ZNF385D: variants seen among roughly 807,000 people sequenced by gnomAD.
The protein encoded by ZNF385D is zinc finger protein 659.
Under a neutral mutation model 35.8 loss-of-function variants are expected in ZNF385D, and 15 were observed. The observed-to-expected ratio is 0.42, with a 90% CI of 0.28 to 0.64. The LOEUF is 0.64. Among genes scored for constraint, ZNF385D ranks in the 30% least tolerant of loss-of-function variants. The pLI is 0.23. For missense variants in ZNF385D, 474 were observed against 494.6 expected (o/e 0.96, Z 0.39); for synonymous variants, 212 against 186.8 (o/e 1.13, Z -1.10).
In ZNF385D at chr3:21,423,922, A is replaced by G. The variant is rs568437670; in HGVS notation, c.954+41T>C. On this transcript the variant is annotated intron_variant, in intron 7 of 7. Transcript: ENST00000281523. Reference sequence around the variant, plus strand: ...AACAAATCAAGAAACCAATAATTCCATTTGGGAATAGAGGCTGGACTCTTG... The same window carrying G: ...AACAAATCAAGAAACCAATAATTCCGTTTGGGAATAGAGGCTGGACTCTTG... 6.4e-6 allele frequency: 10 copies of G among 1,573,420 alleles called. 1 individual carries two copies. The South Asian group carries it at 9.2e-5, about 14-fold the overall frequency.
At chr3:22,014,358 TCC>T (rs1049779071) in intron 3 of ZNF385D, among the ~76,000 whole-genome samples, 1 of 152,074 alleles carries the variant, frequency 6.6e-6, no homozygotes, top group African/African-American at 2.4e-5. Context: ...ACATCCATGC[TCC>T]CTCACCTGCC....
intron 4 of ZNF385D, among the ~76,000 whole-genome samples, chr3:21,469,894 C>T (rs1042961984): frequency 6.6e-6 from 1 of 151,746 alleles, no homozygotes; most frequent in Non-Finnish European, 1.5e-5. Context: ...AGCAATCCTT[C>T]ATTTCTTGCA....
At chr3:21,925,931 T>C (rs760470374) in intron 3 of ZNF385D, among the ~76,000 whole-genome samples, 1 of 152,132 alleles carries the variant, frequency 6.6e-6, no homozygotes, top group Non-Finnish European at 1.5e-5. Flanking sequence ...CACTGAGCTA[T>C]TACTATGTAA....
chr3:21,516,558 G>A (rs369983812), intron 3 of ZNF385D, among the ~76,000 whole-genome samples: 2 of 152,034 alleles, frequency 1.3e-5, no homozygotes, highest in East Asian at 1.9e-4. Context: ...CATAACACAC[G>A]TTACTCTTGT....
chr3:22,016,072 T>C (rs1696867377), intron 3 of ZNF385D, among the ~76,000 whole-genome samples: 1 of 152,142 alleles, frequency 6.6e-6, no homozygotes, highest in Admixed American at 6.6e-5. Flanking sequence ...CTTATTCATA[T>C]TTGCAGCACT....
At chr3:21,752,282 T>C (rs1291894098), upstream of ZNF385D, among the ~76,000 whole-genome samples, 2 of 152,154 alleles carry the variant, frequency 1.3e-5, no homozygotes, top group Non-Finnish European at 2.9e-5. Flanking sequence ...ACTGGAACAT[T>C]TGAACTTATA....
intron 2 of ZNF385D, among the ~76,000 whole-genome samples, chr3:22,371,918 T>C (rs1696925117): frequency 6.6e-6 from 1 of 152,012 alleles, no homozygotes. Flanking sequence ...TTTTTAAGTA[T>C]TTGTTTTAAA....
At position 21,510,922 on chromosome 3, in the gene ZNF385D, G is replaced by A. The variant is rs770695712; in HGVS notation, c.378C>T (p.Ser126=). 19 of 1,613,960 alleles carry A rather than the reference G, an allele frequency of 1.2e-5. No individual in the cohort carries two copies. Among genetic ancestry groups the A allele is most frequent in the Admixed American group, 6.7e-5 (4 of 59,990 alleles). ...NKQKSVTAKD[S]AKTTFTSITT... is the part of the protein sequence containing the mutation. ...TGATGGAGGTGAAGGTAGTCTTTGC[G>A]CTGTCCTTGGCAGTTACAGATTTCT... Residue 126 remains serine, a synonymous_variant, in exon 4 of 8, where the codon AGC becomes AGT. Transcript: ENST00000281523.
intron 3 of ZNF385D, among the ~76,000 whole-genome samples, chr3:21,918,670 C>T (rs1241243412): frequency 3.3e-5 from 5 of 152,138 alleles, no homozygotes. Context: ...ATAAATTATT[C>T]ATTACTTTTG....
rs190080625 is a variant in ZNF385D at position 21,699,056 on chromosome 3, C to T, written c.23-34028G>A. ...ATGCACATGTATGTTTATTGTGGCA[C>T]TGTTCACAATAGCAAAGACTTGGAA... is the stretch of plus-strand genomic sequence containing the variant. On this transcript the variant is annotated intron_variant, in intron 1 of 7. Transcript: ENST00000281523. 8.3e-3 allele frequency among the ~76,000 whole-genome samples: 1,262 copies of T among 152,230 alleles called. 17 individuals are homozygous for T. The highest frequency in any genetic ancestry group is 0.029 in the African/African-American group (1,224 of 41,538).
rs563447783 is a variant in ZNF385D at position 21,863,335 on chromosome 3, TC to T, written c.326-198308del. 6.8e-4 allele frequency among the ~76,000 whole-genome samples: 103 copies of T among 152,296 alleles called. 1 individual carries two copies. The highest frequency in any genetic ancestry group is 4.6e-3 in the South Asian group (22 of 4,826). Reference sequence around the variant, plus strand: ...TCTTTTAAAAATAAGTGTAAGCATTTCATTATAACTTGTAATATATTTTCTC... The same window carrying T: ...TCTTTTAAAAATAAGTGTAAGCATTTATTATAACTTGTAATATATTTTCTC... On this transcript the variant is annotated intron_variant, in intron 3 of 5. Transcript: ENST00000494108.
chr3:22,290,930 G>A (rs1702270439), intron 2 of ZNF385D, among the ~76,000 whole-genome samples: 2 of 151,934 alleles, frequency 1.3e-5, no homozygotes. Context: ...GTATATTTTT[G>A]TGTGCTTTTC....
At chr3:21,892,104 T>C (rs1345312374) in intron 3 of ZNF385D, among the ~76,000 whole-genome samples, 4 of 152,308 alleles carry the variant, frequency 2.6e-5, no homozygotes, top group Non-Finnish European at 5.9e-5. Context: ...CTCCCAATAC[T>C]TGCTTCGTGG....
At chr3:21,774,323 C>T (rs2125620362) in intron 3 of ZNF385D, among the ~76,000 whole-genome samples, 1 of 127,884 alleles carries the variant, frequency 7.8e-6, no homozygotes, top group African/African-American at 2.6e-5. Context: ...CTAATGGATG[C>T]TGGGATTAAT....
At chr3:21,980,872 T>C (rs1397101094) in intron 3 of ZNF385D, among the ~76,000 whole-genome samples, 1 of 152,160 alleles carries the variant, frequency 6.6e-6, no homozygotes, top group Non-Finnish European at 1.5e-5. Context: ...CAGTTCCATC[T>C]ATATTCCTGC....
chr3:21,842,800 A>C (rs577554205), intron 3 of ZNF385D, among the ~76,000 whole-genome samples: 2 of 152,084 alleles, frequency 1.3e-5, no homozygotes, highest in African/African-American at 4.8e-5. Flanking sequence ...ACAGCAGTTA[A>C]GCTAATGCAG....
chr3:22,078,271 GA>G lies in ZNF385D; in HGVS notation c.325+90545del, dbSNP rs550737374. 2.7e-3 allele frequency among the ~76,000 whole-genome samples: 414 copies of G among 151,980 alleles called. 3 individuals are homozygous for G. Among genetic ancestry groups the G allele is most frequent in the African/African-American group, 8.9e-3 (370 of 41,502 alleles). ...TGGTTGTTTGGTGTCTATATTTTGA[GA>G]AAAAAATATGTTGACAAATTAAACG... On this transcript the variant is annotated intron_variant, in intron 3 of 5. Coordinates refer to the ZNF385D transcript ENST00000494108.
upstream of ZNF385D, among the ~76,000 whole-genome samples, chr3:21,752,889 A>G (rs367641725): frequency 4.6e-5 from 7 of 152,286 alleles, no homozygotes; most frequent in African/African-American, 1.7e-4. Context: ...CCTCAGGCAA[A>G]AGAACCATCT....
At chr3:21,431,651 G>T (rs1228031176) in intron 5 of ZNF385D, among the ~76,000 whole-genome samples, 1 of 152,120 alleles carries the variant, frequency 6.6e-6, no homozygotes, top group Admixed American at 6.6e-5. Flanking sequence ...AGCACAGGGA[G>T]TTATGAGGCT....
Sources: gnomAD v4.1 joint callset for allele counts (sites outside exome capture counted in the v4.1 genomes callset) on GRCh38, gnomAD v4.1.1 for gene constraint, MANE v1.5 for transcripts, NCBI Gene and HGNC (gene_info 2026-07-23, HGNC 2026-07-21) for gene names.